PPP3CA: variants seen among roughly 807,000 people sequenced by gnomAD.
The protein encoded by PPP3CA is protein phosphatase 3 catalytic subunit alpha, also known as CAM-PRP catalytic subunit.
Under a neutral mutation model 66.5 loss-of-function variants are expected in PPP3CA, and 14 were observed. The observed-to-expected ratio is 0.21, with a 90% CI of 0.14 to 0.33. The LOEUF (loss-of-function observed/expected upper bound fraction) is 0.33. Among genes scored for constraint, PPP3CA ranks in the 10% least tolerant of loss-of-function variants. The pLI, the probability that PPP3CA is intolerant of heterozygous loss-of-function variation, is 1.00. For missense variants in PPP3CA, 317 were observed against 639.5 expected (o/e 0.50, Z 5.44); for synonymous variants, 232 against 226.2 (o/e 1.03, Z -0.23).
At chr4:101,146,098 C>T (rs1311623722) in intron 2 of PPP3CA, among the ~76,000 whole-genome samples, 1 of 152,166 alleles carries the variant, frequency 6.6e-6, no homozygotes, top group East Asian at 1.9e-4. Context: ...TTTCTCTATT[C>T]ATGCTGCAAG....
chr4:101,324,178 A>G (rs1277663586), intron 1 of PPP3CA, among the ~76,000 whole-genome samples: 73 of 131,146 alleles, frequency 5.6e-4, no homozygotes, highest in Middle Eastern at 3.8e-3. Context: ...GGAAGGAAGG[A>G]AGGAAGGAAG....
intron 8 of PPP3CA, among the ~76,000 whole-genome samples, chr4:101,076,307 C>CAAA (rs58667608): frequency 7.9e-6 from 1 of 127,282 alleles, no homozygotes; most frequent in African/African-American, 2.8e-5. Flanking sequence ...GTTAATTCTC[C>CAAA]AAAAAAAAAA....
At chr4:101,301,868 CTAGA>C (rs1364499091) in intron 1 of PPP3CA, among the ~76,000 whole-genome samples, 3 of 149,698 alleles carry the variant, frequency 2.0e-5, no homozygotes, top group African/African-American at 4.9e-5. Context: ...AAGGAAATTA[CTAGA>C]TAATGATCTA....
chr4:101,252,960 A>T (rs1249344062), intron 1 of PPP3CA, among the ~76,000 whole-genome samples: 1 of 151,852 alleles, frequency 6.6e-6, no homozygotes, highest in Non-Finnish European at 1.5e-5. Flanking sequence ...TTGCTAAGGC[A>T]TGTGCTTCCC....
intron 1 of PPP3CA, among the ~76,000 whole-genome samples, chr4:101,250,533 C>T (rs1311671755): frequency 6.6e-6 from 1 of 152,132 alleles, no homozygotes; most frequent in Non-Finnish European, 1.5e-5. Context: ...GCCTTCTTGT[C>T]TATAACTCAG....
At chr4:101,217,238 A>C (rs569915318) in intron 1 of PPP3CA, among the ~76,000 whole-genome samples, 28 of 152,186 alleles carry the variant, frequency 1.8e-4, no homozygotes, top group Admixed American at 1.8e-3. Context: ...CAACCATGTA[A>C]AATAAGTGTT....
At chr4:101,307,751 C>A (rs1027694461) in intron 1 of PPP3CA, among the ~76,000 whole-genome samples, 1 of 152,174 alleles carries the variant, frequency 6.6e-6, no homozygotes, top group Non-Finnish European at 1.5e-5. Context: ...GTATGTGAAG[C>A]CTTCCTCCAG....
At chr4:101,321,573 C>A (rs542586621) in intron 1 of PPP3CA, among the ~76,000 whole-genome samples, 1 of 152,158 alleles carries the variant, frequency 6.6e-6, no homozygotes, top group South Asian at 2.1e-4. Context: ...TTTAAATTTT[C>A]TTCCCCCAAA....
intron 2 of PPP3CA, among the ~76,000 whole-genome samples, chr4:101,124,892 T>G (rs1253546470): frequency 6.6e-6 from 1 of 152,244 alleles, no homozygotes; most frequent in Non-Finnish European, 1.5e-5. Context: ...TATTCATTAT[T>G]AAAGTAGCTA....
At chr4:101,148,051 C>G (rs1723023708) in intron 2 of PPP3CA, among the ~76,000 whole-genome samples, 1 of 152,076 alleles carries the variant, frequency 6.6e-6, no homozygotes, top group African/African-American at 2.4e-5. Flanking sequence ...TATTTCAACT[C>G]TTTCAACCAA....
At chr4:101,243,689 TG>T (rs1256514729) in intron 1 of PPP3CA, among the ~76,000 whole-genome samples, 15 of 152,284 alleles carry the variant, frequency 9.9e-5, no homozygotes, top group Middle Eastern at 6.8e-3. Flanking sequence ...CTGTGAATTT[TG>T]GTATCCTTGG....
intron 1 of PPP3CA, among the ~76,000 whole-genome samples, chr4:101,277,367 G>C (rs1034894243): frequency 3.9e-5 from 6 of 152,074 alleles, no homozygotes; most frequent in African/African-American, 1.2e-4. Flanking sequence ...TTGTGTACGG[G>C]TTTTTGCGTG....
At chr4:101,253,079 G>T (rs928738517) in intron 1 of PPP3CA, among the ~76,000 whole-genome samples, 2 of 152,064 alleles carry the variant, frequency 1.3e-5, no homozygotes, top group Admixed American at 1.3e-4. Flanking sequence ...CAAATTCTAA[G>T]TTTTCACCAA....
At chr4:101,336,939 A>G (rs960789526) in intron 1 of PPP3CA, among the ~76,000 whole-genome samples, 3 of 152,178 alleles carry the variant, frequency 2.0e-5, no homozygotes, top group Non-Finnish European at 4.4e-5. Flanking sequence ...TTCAGGCATG[A>G]GCAAGTGTAA....
intron 1 of PPP3CA, among the ~76,000 whole-genome samples, chr4:101,248,443 T>C (rs1264199700): frequency 6.6e-6 from 1 of 152,178 alleles, no homozygotes; most frequent in Non-Finnish European, 1.5e-5. Flanking sequence ...GTCAGCTACA[T>C]CACAAAATAA....
intron 12 of PPP3CA, among the ~76,000 whole-genome samples, chr4:101,030,959 G>A (rs1726923586): frequency 4.7e-5 from 3 of 63,518 alleles, no homozygotes; most frequent in East Asian, 4.0e-4. Flanking sequence ...ACTTTTGTGT[G>A]TGTTTTTTTT....
chr4:101,100,627 T>C (rs1046315604), intron 3 of PPP3CA, among the ~76,000 whole-genome samples: 17 of 152,322 alleles, frequency 1.1e-4, no homozygotes, highest in Admixed American at 3.9e-4. Flanking sequence ...TATCGTCAAC[T>C]GACATTTGTT....
At chr4:101,316,572 G>A (rs1728891883) in intron 1 of PPP3CA, among the ~76,000 whole-genome samples, 1 of 152,170 alleles carries the variant, frequency 6.6e-6, no homozygotes, top group African/African-American at 2.4e-5. Flanking sequence ...GCCAGTAGAA[G>A]TGCCACTAAG....
chr4:101,233,733 CTTTT>C (rs56208114), intron 1 of PPP3CA, among the ~76,000 whole-genome samples: 1 of 149,584 alleles, frequency 6.7e-6, no homozygotes, highest in African/African-American at 2.4e-5. Flanking sequence ...ATTTACAGGT[CTTTT>C]TTTTTTTTTA....
Sources: allele counts gnomAD v4.1 joint callset (sites outside exome capture counted in the v4.1 genomes callset), GRCh38; gene constraint gnomAD v4.1.1; transcripts MANE v1.5; gene names NCBI Gene and HGNC (gene_info 2026-07-23, HGNC 2026-07-21).